ZNF516: variants seen among roughly 807,000 people sequenced by gnomAD.
ZNF516 encodes the protein zinc finger protein 516.
A neutral mutation model predicts 79.7 loss-of-function variants in ZNF516; 19 were observed. The ratio of observed to expected loss-of-function variants is 0.24; its 90% CI spans 0.17 to 0.35. ZNF516 has a LOEUF of 0.35. Ranked by LOEUF, ZNF516 falls within the 10% of genes least tolerant of loss-of-function variation. The probability of loss-of-function intolerance (pLI) is 1.00; values close to 1 mark genes in which losing one functional copy is unlikely to be tolerated. For synonymous variants in ZNF516, 877 were observed against 739.5 expected (o/e 1.19, Z -3.02); for missense variants, 1,678 against 1,679.5 (o/e 1.00, Z 0.02).
chr18:76,479,100 C>T (rs960551515), intron 1 of ZNF516, among the ~76,000 whole-genome samples: 1 of 151,884 alleles, frequency 6.6e-6, no homozygotes, highest in Non-Finnish European at 1.5e-5. Context: ...CTTTTTGTTC[C>T]TTCTCAGAAC....
Position 76,443,076 on chromosome 18 carries a change from T to G in ZNF516, c.-22A>C, listed in dbSNP as rs539153575. 1.5e-4 allele frequency: 230 copies of G among 1,559,092 alleles called. No individual in the cohort carries two copies. The South Asian group carries it at 2.0e-3, about 13-fold the overall frequency. On this transcript the variant is annotated 5_prime_UTR_variant, in exon 3 of 7. Coordinates refer to ENST00000443185, the MANE Select transcript of ZNF516 (RefSeq NM_014643.4). ...CCATCCGAAGGACGGGCGCGGCCGG[T>G]GGTGGCGGCACAGCTTTCTGTCGCG...
At chr18:76,434,278 G>A (rs746779218) in intron 3 of ZNF516, among the ~76,000 whole-genome samples, 4 of 152,162 alleles carry the variant, frequency 2.6e-5, no homozygotes, top group Non-Finnish European at 5.9e-5. Context: ...AGGACCGAGC[G>A]CCACTTCTTC....
chr18:76,408,382 C>A (rs759262425), intron 3 of ZNF516, among the ~76,000 whole-genome samples: 2 of 152,154 alleles, frequency 1.3e-5, no homozygotes, highest in Non-Finnish European at 2.9e-5. Context: ...CTCCTGACAG[C>A]GACACACTTG....
intron 3 of ZNF516, among the ~76,000 whole-genome samples, chr18:76,397,293 T>C (rs1173881343): frequency 6.6e-6 from 1 of 152,200 alleles, no homozygotes; most frequent in East Asian, 1.9e-4. Context: ...CTCAGTCCTA[T>C]GGCCAGAAAA....
Position 76,441,453 on chromosome 18 carries a change from T to G in ZNF516, c.1602A>C (p.Ser534=), listed in dbSNP as rs761126926. The G allele has an allele frequency of 1.1e-5, 17 of 1,606,110 alleles. No homozygotes were observed. The highest frequency in any genetic ancestry group is 1.4e-5 in the Non-Finnish European group (17 of 1,177,594). The change falls in exon 3 of 7, where the codon TCA becomes TCC. Residue 534 remains serine, a synonymous_variant. Transcript: ENST00000443185. ...CGCGGCGCGCGCGGCGATGCACGCG[T>G]GAGTGCAGCACCATCTGATGATAGG... The part of the protein sequence containing the change: ...FRTYHQMVLH[S]RVHRRARRER...
intron 3 of ZNF516, among the ~76,000 whole-genome samples, chr18:76,381,160 G>T (rs991884377): frequency 6.6e-6 from 1 of 152,196 alleles, no homozygotes; most frequent in African/African-American, 2.4e-5. Context: ...GAGACAGGGA[G>T]AAACACAGCC....
chr18:76,440,344 CCCG>C (rs1186322065), intron 3 of ZNF516, among the ~76,000 whole-genome samples: 1 of 152,172 alleles, frequency 6.6e-6, no homozygotes, highest in Non-Finnish European at 1.5e-5. Flanking sequence ...ACAGCCCTGC[CCCG>C]GGCTTGGATT....
intron 6 of ZNF516, among the ~76,000 whole-genome samples, chr18:76,365,145 G>A (rs775980620): frequency 4.6e-5 from 7 of 152,170 alleles, no homozygotes; most frequent in South Asian, 2.1e-4. Context: ...AAATTAGGTC[G>A]CCATTTGTTT....
chr18:76,458,824 C>T (rs1472903667), intron 2 of ZNF516, among the ~76,000 whole-genome samples: 5 of 149,490 alleles, frequency 3.3e-5, no homozygotes, highest in Non-Finnish European at 7.4e-5. Flanking sequence ...CGTGCGTGTG[C>T]GTGCCTCACC....
intron 3 of ZNF516, among the ~76,000 whole-genome samples, chr18:76,402,992 CTG>C (rs775247087): frequency 1.3e-5 from 2 of 152,246 alleles, no homozygotes; most frequent in African/African-American, 2.4e-5. Flanking sequence ...CAAAGGGAGA[CTG>C]TGCTCACCTG....
chr18:76,484,196 G>A (rs1287410893), intron 1 of ZNF516, among the ~76,000 whole-genome samples: 2 of 152,176 alleles, frequency 1.3e-5, no homozygotes, highest in African/African-American at 4.8e-5. Context: ...CTGGGAATCA[G>A]GACGCCTGGA....
At chr18:76,378,424 T>C (rs1424469265) in intron 4 of ZNF516, 1 of 159,460 alleles carries the variant, frequency 6.3e-6, no homozygotes, top group African/African-American at 2.4e-5. Context: ...ACTTAATACA[T>C]TAAATGAATA....
chr18:76,496,285 G>C, upstream of ZNF516: 1 of 1,289,076 alleles, frequency 7.8e-7, no homozygotes, highest in Non-Finnish European at 1.0e-6. Context: ...CCAGGCTCCT[G>C]GCCGTATTGT....
chr18:76,378,641 C>T lies in ZNF516; in HGVS notation c.3259+214G>A, dbSNP rs28545733. Reference sequence around the variant, plus strand: ...CCACCAACCCCAGGCAGGCATTCCCCGGCAGGGCAGAATGTGGAGCCTGGG... The same window carrying T: ...CCACCAACCCCAGGCAGGCATTCCCTGGCAGGGCAGAATGTGGAGCCTGGG... On this transcript the variant is annotated intron_variant, in intron 4 of 6. Coordinates refer to ENST00000443185, the MANE Select transcript of ZNF516 (RefSeq NM_014643.4). Among the ~76,000 whole-genome samples, 922 of 152,314 alleles carry T rather than the reference C, an allele frequency of 6.1e-3. 6 individuals are homozygous for T. The highest frequency in any genetic ancestry group is 0.021 in the African/African-American group (876 of 41,560).
intron 4 of ZNF516, among the ~76,000 whole-genome samples, chr18:76,376,214 G>A (rs774367443): frequency 7.9e-5 from 12 of 152,212 alleles, no homozygotes; most frequent in South Asian, 4.1e-4. Context: ...CCCCCTCACC[G>A]GAGGCGTCCC....
At chr18:76,384,443 G>A (rs993545355) in intron 3 of ZNF516, among the ~76,000 whole-genome samples, 4 of 37,796 alleles carry the variant, frequency 1.1e-4, no homozygotes, top group South Asian at 2.4e-3. Context: ...CTCACGCCCC[G>A]TCCACGCCCC....
At chr18:76,406,862 C>T (rs1018943487) in intron 3 of ZNF516, among the ~76,000 whole-genome samples, 1 of 152,196 alleles carries the variant, frequency 6.6e-6, no homozygotes, top group Non-Finnish European at 1.5e-5. Context: ...ACACGAGCAC[C>T]GCCTCTTTGA....
At chr18:76,450,137 C>A (rs1489381330) in intron 2 of ZNF516, among the ~76,000 whole-genome samples, 1 of 128,740 alleles carries the variant, frequency 7.8e-6, no homozygotes, top group Non-Finnish European at 1.5e-5. Flanking sequence ...AAGAGAGAGA[C>A]GGAGAGAAGG....
intron 1 of ZNF516, among the ~76,000 whole-genome samples, chr18:76,486,445 G>A (rs757459311): frequency 4.6e-5 from 7 of 152,180 alleles, no homozygotes; most frequent in Non-Finnish European, 8.8e-5. Flanking sequence ...TTCTTCAAGT[G>A]TTAATAGCGC....
Sources: gnomAD v4.1 joint callset for allele counts (sites outside exome capture counted in the v4.1 genomes callset) on GRCh38, gnomAD v4.1.1 for gene constraint, MANE v1.5 for transcripts, NCBI Gene and HGNC (gene_info 2026-07-23, HGNC 2026-07-21) for gene names.